JAKMIP2: variants seen among roughly 807,000 people sequenced by gnomAD.
JAKMIP2 encodes the protein janus kinase and microtubule interacting protein 2.
JAKMIP2 carries 25 observed loss-of-function variants against 115.0 expected under a neutral mutation model. The ratio of observed to expected loss-of-function variants is 0.22; its 90% CI spans 0.16 to 0.30. The LOEUF (loss-of-function observed/expected upper bound fraction) is 0.30, where lower values mean the gene tolerates loss of function less well. JAKMIP2 is among the 10% of genes least tolerant of loss of function. The pLI is 1.00. For missense variants in JAKMIP2, 642 were observed against 957.6 expected (o/e 0.67, Z 4.35); for synonymous variants, 334 against 343.6 (o/e 0.97, Z 0.31).
chr5:147,621,762 A>G (rs1581305453), intron 17 of JAKMIP2, among the ~76,000 whole-genome samples: 1 of 152,360 alleles, frequency 6.6e-6, no homozygotes, highest in South Asian at 2.1e-4. Flanking sequence ...TATAAGCTAT[A>G]ATGTGCCACA....
chr5:147,607,734 G>T (rs1756101536), intron 20 of JAKMIP2, among the ~76,000 whole-genome samples: 2 of 152,182 alleles, frequency 1.3e-5, no homozygotes, highest in Admixed American at 1.3e-4. Flanking sequence ...GTTTGGAATA[G>T]TTTCAGAATG....
At chr5:147,690,574 T>C (rs1751793272) in intron 1 of JAKMIP2, among the ~76,000 whole-genome samples, 2 of 103,152 alleles carry the variant, frequency 1.9e-5, no homozygotes, top group African/African-American at 4.3e-5. Flanking sequence ...TATATATATA[T>C]ATATATATAT....
At chr5:147,705,706 A>G (rs897580192) in intron 1 of JAKMIP2, among the ~76,000 whole-genome samples, 2 of 152,206 alleles carry the variant, frequency 1.3e-5, no homozygotes, top group Non-Finnish European at 2.9e-5. Flanking sequence ...CCTTCTATCC[A>G]CAGGATAAAG....
intron 1 of JAKMIP2, among the ~76,000 whole-genome samples, chr5:147,725,437 G>C (rs1753481285): frequency 6.6e-6 from 1 of 152,036 alleles, no homozygotes; most frequent in East Asian, 1.9e-4. Flanking sequence ...TCTTTCTCGT[G>C]CAAGGTCCAA....
At chr5:147,777,043 CTAATTGT>C (rs1194446872) in intron 1 of JAKMIP2, among the ~76,000 whole-genome samples, 1 of 152,150 alleles carries the variant, frequency 6.6e-6, no homozygotes, top group Non-Finnish European at 1.5e-5. Context: ...TTTTTGTTTT[CTAATTGT>C]TGCTGATATA....
At chr5:147,751,820 G>A (rs549799100) in intron 1 of JAKMIP2, among the ~76,000 whole-genome samples, 2 of 152,334 alleles carry the variant, frequency 1.3e-5, no homozygotes, top group East Asian at 1.9e-4. Context: ...CCTGATGGAT[G>A]AGGTTCTGTA....
At chr5:147,624,430 G>C (rs1757004246) in intron 16 of JAKMIP2, among the ~76,000 whole-genome samples, 1 of 152,194 alleles carries the variant, frequency 6.6e-6, no homozygotes, top group African/African-American at 2.4e-5. Flanking sequence ...CTCTATTGTT[G>C]GAGGAAGCAG....
intron 1 of JAKMIP2, among the ~76,000 whole-genome samples, chr5:147,739,286 A>G (rs138103719): frequency 6.6e-6 from 1 of 152,260 alleles, no homozygotes; most frequent in Non-Finnish European, 1.5e-5. Flanking sequence ...TCTGCAGGGT[A>G]ACTGCATTCT....
intron 19 of JAKMIP2, among the ~76,000 whole-genome samples, chr5:147,617,147 G>A (rs1030037315): frequency 6.6e-6 from 1 of 152,122 alleles, no homozygotes; most frequent in African/African-American, 2.4e-5. Context: ...AATTTTTGCT[G>A]GAAATTAGTA....
At chr5:147,714,534 G>C (rs1580820872) in intron 1 of JAKMIP2, among the ~76,000 whole-genome samples, 2 of 152,114 alleles carry the variant, frequency 1.3e-5, no homozygotes, top group East Asian at 3.8e-4. Context: ...GAATCCAAGA[G>C]ACAGAATGGG....
In JAKMIP2 at chr5:147,637,052, G is replaced by C. The variant is rs766195095; in HGVS notation, c.1531-4C>G. ...CTGCTTGGAGCTGTTCTTGAGCCTG[G>C]TGAAACCAAAATTCCAGAACTCAGC... is the stretch of plus-strand genomic sequence containing the variant. On this transcript the variant is annotated splice_region_variant and splice_polypyrimidine_tract_variant and intron_variant, in intron 10 of 21. Transcript: ENST00000616793. 1.1e-6 allele frequency: 1 copy of C among 872,528 alleles called. No individual in the cohort carries two copies. Among genetic ancestry groups the C allele is most frequent in the Non-Finnish European group, 2.0e-6 (1 of 501,598 alleles). The allele number at this position is 872,528 out of a possible 1,614,324, so 54.0% of individuals were successfully genotyped here. A position where few individuals can be genotyped will look rare whatever the true frequency, so the allele number is the denominator to read the frequency against.
intron 16 of JAKMIP2, among the ~76,000 whole-genome samples, chr5:147,627,678 T>TAAAAAAAAAA (rs768481105): frequency 2.8e-5 from 2 of 70,322 alleles, no homozygotes; most frequent in African/African-American, 5.7e-5. Flanking sequence ...AGCCTTTCTG[T>TAAAAAAAAAA]AAAAAAAAAA....
At chr5:147,599,762 T>G (rs187418317) in intron 21 of JAKMIP2, among the ~76,000 whole-genome samples, 4 of 152,300 alleles carry the variant, frequency 2.6e-5, no homozygotes, top group Admixed American at 2.6e-4. Context: ...GTTTGGTGGT[T>G]AGAAGTGGAT....
chr5:147,619,358 T>C (rs1396321455), intron 18 of JAKMIP2, among the ~76,000 whole-genome samples: 1 of 152,170 alleles, frequency 6.6e-6, no homozygotes, highest in Non-Finnish European at 1.5e-5. Context: ...CTTCCTTCTC[T>C]GTCTCTAATT....
intron 1 of JAKMIP2, among the ~76,000 whole-genome samples, chr5:147,700,753 C>T (rs1752293532): frequency 6.6e-6 from 1 of 152,212 alleles, no homozygotes; most frequent in African/African-American, 2.4e-5. Context: ...CAGATCACCT[C>T]TGGAAGTTTA....
chr5:147,721,921 T>C (rs1333410085), intron 1 of JAKMIP2, among the ~76,000 whole-genome samples: 1 of 152,178 alleles, frequency 6.6e-6, no homozygotes, highest in East Asian at 1.9e-4. Flanking sequence ...GGAGGAAATA[T>C]GGGTATCACC....
chr5:147,744,528 C>T (rs1334512264), intron 1 of JAKMIP2, among the ~76,000 whole-genome samples: 1 of 152,130 alleles, frequency 6.6e-6, no homozygotes, highest in Admixed American at 6.5e-5. Context: ...TATTTTAAAC[C>T]TATTAAACCC....
chr5:147,629,802 A>G (rs1191819764), intron 14 of JAKMIP2, 56 bp from the exon 15 acceptor site: 1 of 1,390,024 alleles, frequency 7.2e-7, no homozygotes, highest in Non-Finnish European at 1.0e-6. Flanking sequence ...CTATTCCATC[A>G]GTGCCTGAAC....
At chr5:147,665,636 A>G (rs549698423) in intron 2 of JAKMIP2, among the ~76,000 whole-genome samples, 2 of 152,322 alleles carry the variant, frequency 1.3e-5, no homozygotes, top group African/African-American at 2.4e-5. Context: ...ACTATTTGCT[A>G]TCTCTAAGAA....
Sources: gnomAD v4.1 joint callset for allele counts (sites outside exome capture counted in the v4.1 genomes callset) on GRCh38, gnomAD v4.1.1 for gene constraint, MANE v1.5 for transcripts, NCBI Gene and HGNC (gene_info 2026-07-23, HGNC 2026-07-21) for gene names.